EPCAM: variants seen among roughly 807,000 people sequenced by gnomAD.
The protein encoded by EPCAM is epithelial cell adhesion molecule, also known as adenocarcinoma-associated antigen.
In EPCAM, 39 loss-of-function variants were observed where a neutral mutation model predicts 40.0. The ratio of observed to expected loss-of-function variants is 0.98; its 90% CI spans 0.76 to 1.27. The LOEUF is 1.27. EPCAM is among the 50% of genes most tolerant of loss of function. EPCAM has a pLI of 0.00. For missense variants in EPCAM, 503 were observed against 381.2 expected (o/e 1.32, Z -2.66); for synonymous variants, 168 against 132.3 (o/e 1.27, Z -1.85).
Position 47,379,803 on chromosome 2 carries a change from T to C in EPCAM, c.692T>C (p.Met231Thr), listed in dbSNP as rs1671533076. 6.2e-7 allele frequency: 1 copy of C among 1,613,842 alleles called. No homozygotes were observed. Among genetic ancestry groups the C allele is most frequent in the Non-Finnish European group, 8.5e-7 (1 of 1,179,954 alleles). ...GAATCCTTGTTTCATTCTAAGAAAA[T>C]GGACCTGACAGTAAATGGGGAACAA... ...KGESLFHSKK[M>T]DLTVNGEQLD... Residue 231 changes from methionine to threonine, a missense_variant, in exon 7 of 9, where the codon ATG becomes ACG. Physicochemically the swap from Met to Thr is moderately conservative, Grantham distance 81. Coordinates refer to ENST00000263735, the MANE Select transcript of EPCAM (RefSeq NM_002354.3).
intron 7 of EPCAM, among the ~76,000 whole-genome samples, chr2:47,382,420 C>T (rs1671618114): frequency 6.6e-6 from 1 of 152,318 alleles, no homozygotes; most frequent in Non-Finnish European, 1.5e-5. Context: ...GGCGTGGTGG[C>T]TTACGCCTAT....
At chr2:47,371,593 T>TA (rs1415154667) in intron 1 of EPCAM, among the ~76,000 whole-genome samples, 1 of 152,258 alleles carries the variant, frequency 6.6e-6, no homozygotes, top group African/African-American at 2.4e-5. Flanking sequence ...AATCTGGGAC[T>TA]ACGTACTTAA....
chr2:47,372,171 T>A (rs1265883534), intron 1 of EPCAM, among the ~76,000 whole-genome samples: 1 of 152,194 alleles, frequency 6.6e-6, no homozygotes, highest in African/African-American at 2.4e-5. Flanking sequence ...GGGAGGACTA[T>A]AACTGCAGTT....
chr2:47,379,813 A>G lies in EPCAM; in HGVS notation c.702A>G (p.Thr234=), dbSNP rs766993531. 7 of 1,614,010 alleles carry G rather than the reference A, an allele frequency of 4.3e-6. No homozygotes were observed. Among genetic ancestry groups the G allele is most frequent in the Non-Finnish European group, 5.9e-6 (7 of 1,179,962 alleles). ...TTCATTCTAAGAAAATGGACCTGACAGTAAATGGGGAACAACTGGATCTGG... is the reference window on the plus strand; with the variant it reads ...TTCATTCTAAGAAAATGGACCTGACGGTAAATGGGGAACAACTGGATCTGG... ...SLFHSKKMDL[T]VNGEQLDLDP... is the part of the protein sequence containing the mutation. Residue 234 remains threonine (T), a synonymous_variant, in exon 7 of 9, where the codon ACA becomes ACG. Coordinates refer to ENST00000263735, the MANE Select transcript of EPCAM (RefSeq NM_002354.3).
chr2:47,375,148 A>AT (rs1671388606), intron 3 of EPCAM, 86 bp from the exon 4 acceptor site: 1 of 1,021,018 alleles, frequency 9.8e-7, no homozygotes, highest in African/African-American at 1.6e-5. Flanking sequence ...AGTCCTTATA[A>AT]TTCGAGAATT....
At chr2:47,384,699 G>A (rs187078648) in intron 7 of EPCAM, among the ~76,000 whole-genome samples, 2 of 151,018 alleles carry the variant, frequency 1.3e-5, no homozygotes, top group Non-Finnish European at 2.9e-5. Context: ...GAGCCACCAC[G>A]CCCAGCCCAC....
rs752168467 is a variant in EPCAM at position 47,369,711 on chromosome 2, G to T, written c.76+130G>T. 55 of 996,152 alleles carry T rather than the reference G, an allele frequency of 5.5e-5. 1 individual carries two copies. Among genetic ancestry groups the T allele is most frequent in the Non-Finnish European group, 8.6e-5 (55 of 643,050 alleles). The allele number at this position is 996,152 out of a possible 1,614,324, so 61.7% of individuals were successfully genotyped here. A position where few individuals can be genotyped will look rare whatever the true frequency, so the allele number is the denominator to read the frequency against. ...GGCCGCGCTTTCCAGCGTGGAGACC[G>T]GACGGTGCGGCCGTGCTCCGGCTCA... On this transcript the variant is annotated intron_variant, in intron 1 of 8. Coordinates refer to ENST00000263735, the MANE Select transcript of EPCAM (RefSeq NM_002354.3).
At position 47,369,384 on chromosome 2, in the gene EPCAM, C is replaced by G. The variant is rs1215409818; in HGVS notation, c.-122C>G. On this transcript the variant is annotated 5_prime_UTR_variant, in exon 1 of 9. Coordinates refer to ENST00000263735, the MANE Select transcript of EPCAM (RefSeq NM_002354.3). ...GACCCCCTCGTCGCTGTCCTCCCGA[C>G]GCGGACCCGCGTGCCCCAGGCCTCG... 5.9e-6 allele frequency: 7 copies of G among 1,194,054 alleles called. No individual in the cohort carries two copies. In the South Asian group the frequency reaches 9.9e-5, roughly 17 times the overall value. The allele number at this position is 1,194,054 out of a possible 1,614,324, so 74.0% of individuals were successfully genotyped here.
intron 1 of EPCAM, among the ~76,000 whole-genome samples, chr2:47,370,426 G>A (rs1435660005): frequency 1.3e-5 from 2 of 151,104 alleles, no homozygotes; most frequent in African/African-American, 4.9e-5. Flanking sequence ...ACAGGCGCGC[G>A]CCACCACCCC....
intron 7 of EPCAM, among the ~76,000 whole-genome samples, chr2:47,384,085 T>C (rs1671670736): frequency 1.3e-5 from 2 of 152,044 alleles, no homozygotes; most frequent in South Asian, 2.1e-4. Context: ...TTTTGTTTAG[T>C]AGTGAAAGTT....
At chr2:47,370,418 A>C (rs934636434) in intron 1 of EPCAM, among the ~76,000 whole-genome samples, 2 of 150,888 alleles carry the variant, frequency 1.3e-5, no homozygotes, top group Non-Finnish European at 2.9e-5. Context: ...CTGGGATTAC[A>C]GGCGCGCGCC....
At chr2:47,381,392 CAAAAAA>C (rs370875469) in intron 7 of EPCAM, among the ~76,000 whole-genome samples, 1 of 74,354 alleles carries the variant, frequency 1.3e-5, no homozygotes, top group East Asian at 3.4e-4. Flanking sequence ...AACTCCGTCT[CAAAAAA>C]AAAAAAAAAA....
rs527949760 is a variant in EPCAM, at chr2:47,386,652, A to G, written c.*39A>G. On this transcript the variant is annotated 3_prime_UTR_variant, in exon 9 of 9. Transcript: ENST00000263735. ...AGATTATAGAAGAAGGGAAATAGCA[A>G]ATGGACACAAATTACAAATGTGTGT... 4.4e-5 allele frequency: 64 copies of G among 1,468,696 alleles called. 1 individual carries two copies. The South Asian group carries it at 6.4e-4, about 15-fold the overall frequency. 91.0% of individuals were successfully genotyped at this position (1,468,696 alleles called of 1,614,324 possible).
chr2:47,378,058 C>G (rs917653036), intron 5 of EPCAM, among the ~76,000 whole-genome samples: 1 of 151,944 alleles, frequency 6.6e-6, no homozygotes, highest in African/African-American at 2.4e-5. Context: ...CAGTGAAACC[C>G]TGTCTCTACT....
At chr2:47,386,309 A>G (rs1671741518) in intron 8 of EPCAM, among the ~76,000 whole-genome samples, 1 of 152,174 alleles carries the variant, frequency 6.6e-6, no homozygotes, top group Non-Finnish European at 1.5e-5. Context: ...TTTAATAAAA[A>G]TCTTATTCTT....
chr2:47,378,299 C>CTTTTTTTTTTT (rs70940676), intron 5 of EPCAM, among the ~76,000 whole-genome samples: 29 of 118,650 alleles, frequency 2.4e-4, no homozygotes, highest in Non-Finnish European at 3.5e-4. Flanking sequence ...TTTTTCTTTT[C>CTTTTTTTTTTT]TTTTTTTTTT....
intron 5 of EPCAM, among the ~76,000 whole-genome samples, chr2:47,377,954 C>T (rs756177198): frequency 3.3e-5 from 5 of 151,926 alleles, no homozygotes; most frequent in East Asian, 2.0e-4. Flanking sequence ...AAATGATGGC[C>T]GGGCACGGTG....
chr2:47,383,304 T>TG, intron 7 of EPCAM: 1 of 100,214 alleles, frequency 1.0e-5, no homozygotes, highest in African/African-American at 6.0e-5. Flanking sequence ...AGACTCCATC[T>TG]GAAAAAAAAA....
At chr2:47,377,843 A>T (rs1671466768) in intron 5 of EPCAM, 1 of 431,960 alleles carries the variant, frequency 2.3e-6, no homozygotes, top group South Asian at 1.7e-5. Context: ...GGTTTAAAAA[A>T]TAAAAAGAAG....
Sources: gnomAD v4.1 joint callset for allele counts (sites outside exome capture counted in the v4.1 genomes callset) on GRCh38, gnomAD v4.1.1 for gene constraint, MANE v1.5 for transcripts, NCBI Gene and HGNC (gene_info 2026-07-23, HGNC 2026-07-21) for gene names.